SNTG1: variants seen among roughly 807,000 people sequenced by gnomAD.
The protein encoded by SNTG1 is gamma-1-syntrophin.
In SNTG1, 39 loss-of-function variants were observed where a neutral mutation model predicts 74.7. The observed-to-expected ratio is 0.52, with a 90% CI of 0.40 to 0.68. The LOEUF (loss-of-function observed/expected upper bound fraction) is 0.68. SNTG1 is among the 30% of genes least tolerant of loss of function. The pLI is 0.00. For missense variants in SNTG1, 685 were observed against 609.5 expected, an observed-to-expected ratio of 1.12 and a Z score of -1.30; for synonymous variants, 254 against 217.1, an observed-to-expected ratio of 1.17 and a Z score of -1.49.
At chr8:50,064,901 G>A (rs1174594557) in intron 1 of SNTG1, among the ~76,000 whole-genome samples, 1 of 152,110 alleles carries the variant, frequency 6.6e-6, no homozygotes, top group African/African-American at 2.4e-5. Context: ...CAGAGCAGTT[G>A]TAAATTTCAT....
intron 1 of SNTG1, among the ~76,000 whole-genome samples, chr8:50,148,713 A>G (rs942815120): frequency 1.3e-5 from 2 of 152,134 alleles, no homozygotes; most frequent in Non-Finnish European, 2.9e-5. Flanking sequence ...ATCCATGTCC[A>G]TACAAAGGAC....
At chr8:50,260,680 C>A (rs78060699) in intron 2 of SNTG1, among the ~76,000 whole-genome samples, 7,136 of 145,354 alleles carry the variant, frequency 0.049, 210 homozygotes, top group Middle Eastern at 0.092. Context: ...GTGTTAAGAG[C>A]TAATGGAAAA....
chr8:50,458,369 GA>G (rs974890418), intron 8 of SNTG1, among the ~76,000 whole-genome samples: 2 of 152,046 alleles, frequency 1.3e-5, no homozygotes, highest in African/African-American at 4.8e-5. Flanking sequence ...TTAACACTTT[GA>G]TATCTATCTT....
chr8:50,668,906 G>A (rs190555974), intron 15 of SNTG1, among the ~76,000 whole-genome samples: 128 of 152,048 alleles, frequency 8.4e-4, no homozygotes, highest in Middle Eastern at 3.4e-3. Flanking sequence ...TTGGTTCCAC[G>A]ACTTTGCAAT....
chr8:50,074,883 G>T (rs1018274942), intron 1 of SNTG1, among the ~76,000 whole-genome samples: 1 of 152,160 alleles, frequency 6.6e-6, no homozygotes, highest in African/African-American at 2.4e-5. Context: ...GGGAACCGGG[G>T]CTGTGCCCCG....
intron 4 of SNTG1, among the ~76,000 whole-genome samples, chr8:50,415,590 T>C (rs901034143): frequency 3.9e-5 from 6 of 152,114 alleles, no homozygotes; most frequent in Non-Finnish European, 8.8e-5. Flanking sequence ...CAAGTAGTTT[T>C]AGTTTAAAAA....
chr8:50,662,889 T>G (rs557349882), intron 15 of SNTG1, among the ~76,000 whole-genome samples: 1 of 152,224 alleles, frequency 6.6e-6, no homozygotes, highest in Non-Finnish European at 1.5e-5. Flanking sequence ...TGTCTGTTAA[T>G]TCATATCAGT....
chr8:50,399,842 A>G (rs2092778595), intron 3 of SNTG1, among the ~76,000 whole-genome samples: 1 of 152,330 alleles, frequency 6.6e-6, no homozygotes, highest in East Asian at 1.9e-4. Flanking sequence ...CTCTAGATAT[A>G]TTCACTTAAA....
chr8:50,481,041 CAG>C (rs1234933794), intron 8 of SNTG1, among the ~76,000 whole-genome samples: 2 of 152,114 alleles, frequency 1.3e-5, no homozygotes, highest in Non-Finnish European at 2.9e-5. Flanking sequence ...TTTAAGGTGG[CAG>C]CACCCACAAA....
intron 5 of SNTG1, among the ~76,000 whole-genome samples, chr8:50,444,664 C>T (rs934868736): frequency 2.0e-5 from 3 of 151,016 alleles, no homozygotes; most frequent in Non-Finnish European, 4.4e-5. Flanking sequence ...GCAGGAAAAT[C>T]GCTTGAACCT....
chr8:50,244,349 G>A (rs911998852), intron 2 of SNTG1, among the ~76,000 whole-genome samples: 2 of 152,084 alleles, frequency 1.3e-5, no homozygotes, highest in Non-Finnish European at 2.9e-5. Flanking sequence ...TGTCTGAGAA[G>A]GCTTTTAGTA....
chr8:50,280,985 C>CAAAAAAAAAAAAAAAAAAAAAAA (rs35973666), intron 2 of SNTG1, among the ~76,000 whole-genome samples: 24 of 75,410 alleles, frequency 3.2e-4, no homozygotes, highest in Non-Finnish European at 3.9e-4. Flanking sequence ...AACCCAGTCT[C>CAAAAAAAAAAAAAAAAAAAAAAA]AAAAAAAAAA....
chr8:50,209,083 A>C (rs7835849), intron 2 of SNTG1, among the ~76,000 whole-genome samples: 64,922 of 152,116 alleles, frequency 0.43, 17,401 homozygotes, highest in African/African-American at 0.77. Flanking sequence ...TATCCTGCAC[A>C]TGGCTTGGAG....
intron 1 of SNTG1, among the ~76,000 whole-genome samples, chr8:49,970,904 A>G (rs980652990): frequency 7.9e-5 from 12 of 152,148 alleles, no homozygotes; most frequent in Non-Finnish European, 1.6e-4. Flanking sequence ...CTGGGTTCAG[A>G]TGAAAAGAGT....
chr8:50,504,309 C>G (rs1185260771), intron 9 of SNTG1, among the ~76,000 whole-genome samples: 2 of 152,162 alleles, frequency 1.3e-5, no homozygotes, highest in East Asian at 1.9e-4. Context: ...TGAACATACA[C>G]ATGCATGCGT....
At chr8:49,983,419 C>A (rs1396094569) in intron 1 of SNTG1, among the ~76,000 whole-genome samples, 2 of 152,278 alleles carry the variant, frequency 1.3e-5, no homozygotes, top group East Asian at 1.9e-4. Context: ...ATAAGAATAT[C>A]AAATTCAGTC....
chr8:50,381,658 A>C (rs1299089903), intron 2 of SNTG1, among the ~76,000 whole-genome samples: 2 of 51,280 alleles, frequency 3.9e-5, no homozygotes, highest in African/African-American at 1.1e-4. Flanking sequence ...ATATATATAT[A>C]TCCTATTAGT....
At chr8:50,145,641 T>C (rs1428641553) in intron 1 of SNTG1, among the ~76,000 whole-genome samples, 1 of 152,178 alleles carries the variant, frequency 6.6e-6, no homozygotes, top group Non-Finnish European at 1.5e-5. Context: ...TGACATACTC[T>C]GCTTCAGGGA....
chr8:50,012,507 G>A (rs1044822532), intron 1 of SNTG1, among the ~76,000 whole-genome samples: 6 of 152,134 alleles, frequency 3.9e-5, no homozygotes, highest in Non-Finnish European at 8.8e-5. Context: ...ATTTCCAAAG[G>A]CTCTGAGGTT....
Sources: allele counts gnomAD v4.1 joint callset (sites outside exome capture counted in the v4.1 genomes callset), GRCh38; gene constraint gnomAD v4.1.1; transcripts MANE v1.5; gene names NCBI Gene and HGNC (gene_info 2026-07-23, HGNC 2026-07-21).